Variants in CWH43 observed in about 807,000 individuals in gnomAD.
CWH43 encodes the protein cell wall biogenesis 43 C-terminal homolog.
Under a neutral mutation model 85.7 loss-of-function variants are expected in CWH43, and 91 were observed. The observed-to-expected ratio is 1.06, with a 90% CI of 0.90 to 1.26. The LOEUF (loss-of-function observed/expected upper bound fraction) is 1.26. CWH43 is among the 50% of genes most tolerant of loss of function. The pLI is 0.00. For synonymous variants in CWH43, 323 were observed against 293.6 expected, an observed-to-expected ratio of 1.10 and a Z score of -1.02; for missense variants, 869 against 839.2, an observed-to-expected ratio of 1.04 and a Z score of -0.44.
intron 13 of CWH43, among the ~76,000 whole-genome samples, chr4:49,042,787 A>G (rs1250316710): frequency 1.3e-5 from 2 of 152,216 alleles, no homozygotes; most frequent in Non-Finnish European, 2.9e-5. Context: ...AGATTTCAGA[A>G]GAGGAAAACC....
intron 14 of CWH43, among the ~76,000 whole-genome samples, chr4:49,046,916 C>T (rs1198059459): frequency 6.6e-6 from 1 of 152,156 alleles, no homozygotes; most frequent in Non-Finnish European, 1.5e-5. Context: ...CAGAATCTGT[C>T]TGGAGGTATT....
intron 8 of CWH43, among the ~76,000 whole-genome samples, chr4:49,014,650 T>C (rs942706830): frequency 6.6e-6 from 1 of 152,078 alleles, no homozygotes; most frequent in Non-Finnish European, 1.5e-5. Flanking sequence ...AATTCACTTA[T>C]CAAATCGAGG....
intron 4 of CWH43, among the ~76,000 whole-genome samples, chr4:48,993,445 G>A (rs1782717722): frequency 6.6e-6 from 1 of 152,120 alleles, no homozygotes; most frequent in Admixed American, 6.5e-5. Flanking sequence ...GTTAATGTCA[G>A]AGAAGCTTTC....
At chr4:49,049,797 C>T (rs894870440) in intron 14 of CWH43, among the ~76,000 whole-genome samples, 1 of 152,070 alleles carries the variant, frequency 6.6e-6, no homozygotes, top group Non-Finnish European at 1.5e-5. Flanking sequence ...AGAGGTATGC[C>T]CTGACCATCC....
intron 8 of CWH43, chr4:49,016,797 C>T (rs1422422663): frequency 1.3e-6 from 1 of 776,358 alleles, no homozygotes; most frequent in African/African-American, 1.7e-5. Context: ...TACTCCAAGT[C>T]CCTCTGCCAG....
intron 13 of CWH43, 32 bp from the exon 14 acceptor site, chr4:49,044,754 C>T (rs1577705327): frequency 6.3e-7 from 1 of 1,584,120 alleles, no homozygotes; most frequent in East Asian, 2.2e-5. Flanking sequence ...GCTTTTTATG[C>T]TTTAAACATT....
intron 5 of CWH43, among the ~76,000 whole-genome samples, chr4:48,995,304 T>C (rs1782778448): frequency 6.6e-6 from 1 of 152,198 alleles, no homozygotes; most frequent in Non-Finnish European, 1.5e-5. Flanking sequence ...CATCTTCTGG[T>C]ACTTTCTTGT....
Position 48,996,927 on chromosome 4 carries a change from T to C in CWH43, c.714-1533T>C, listed in dbSNP as rs543479120. On this transcript the variant is annotated intron_variant, in intron 5 of 15. Coordinates refer to ENST00000226432, the MANE Select transcript of CWH43 (RefSeq NM_025087.3). ...CAAACTGTGTTCTGTGAGATGCTGG[T>C]TTCTTGAGATGTTAATGGTTACTCT... Among the ~76,000 whole-genome samples the C allele has an allele frequency of 2.6e-5, 4 of 152,344 alleles. No individual in the cohort carries two copies. The East Asian group carries it at 7.7e-4, about 29-fold the overall frequency.
intron 7 of CWH43, among the ~76,000 whole-genome samples, chr4:49,005,759 TCGA>T (rs1481637935): frequency 6.6e-6 from 1 of 151,912 alleles, no homozygotes; most frequent in Non-Finnish European, 1.5e-5. Flanking sequence ...CAGGCTGGCG[TCGA>T]ACTCCTGGGC....
chr4:49,037,902 A>AC, intron 12 of CWH43, 134 bp from the exon 13 acceptor site: 2 of 674,906 alleles, frequency 3.0e-6, no homozygotes, highest in East Asian at 5.2e-5. Flanking sequence ...TATAATGTTA[A>AC]GACAGTTGCC....
chr4:49,008,952 A>T (rs1291742546), intron 8 of CWH43, among the ~76,000 whole-genome samples: 1 of 152,180 alleles, frequency 6.6e-6, no homozygotes, highest in Non-Finnish European at 1.5e-5. Context: ...TGTCCTGGCT[A>T]TGTGGGCTCT....
intron 13 of CWH43, 64 bp from the exon 14 acceptor site, chr4:49,044,722 T>C: frequency 8.1e-7 from 1 of 1,234,358 alleles, no homozygotes; most frequent in Non-Finnish European, 1.2e-6. Flanking sequence ...ACACATTTTT[T>C]GGCAATGTGG....
chr4:49,012,279 G>A (rs1783389990), intron 8 of CWH43, among the ~76,000 whole-genome samples: 1 of 152,142 alleles, frequency 6.6e-6, no homozygotes, highest in Non-Finnish European at 1.5e-5. Context: ...ATTGAAGCTT[G>A]TGCATGAATC....
intron 15 of CWH43, among the ~76,000 whole-genome samples, chr4:49,054,272 C>T (rs1347141055): frequency 6.6e-6 from 1 of 152,072 alleles, no homozygotes; most frequent in African/African-American, 2.4e-5. Context: ...TTGTCCTTTC[C>T]CCATTGTGTG....
At chr4:49,053,947 C>T (rs562361203) in intron 15 of CWH43, among the ~76,000 whole-genome samples, 1 of 152,126 alleles carries the variant, frequency 6.6e-6, no homozygotes, top group African/African-American at 2.4e-5. Flanking sequence ...TAAATATATT[C>T]TCTCATCCCA....
intron 6 of CWH43, among the ~76,000 whole-genome samples, chr4:49,003,054 A>T (rs900903519): frequency 1.3e-4 from 20 of 152,332 alleles, no homozygotes; most frequent in African/African-American, 3.8e-4. Flanking sequence ...AGCTGATTTC[A>T]CAAGGATTGG....
At chr4:49,057,575 A>T (rs568739729) in intron 15 of CWH43, among the ~76,000 whole-genome samples, 1 of 152,262 alleles carries the variant, frequency 6.6e-6, no homozygotes, top group African/African-American at 2.4e-5. Flanking sequence ...GCACTTGAAA[A>T]GAATGTATAC....
At chr4:48,996,103 C>T (rs1479964237) in intron 5 of CWH43, among the ~76,000 whole-genome samples, 5 of 152,076 alleles carry the variant, frequency 3.3e-5, no homozygotes, top group Non-Finnish European at 7.4e-5. Context: ...TCTGGAAGTG[C>T]CAGACTGTTC....
At chr4:49,017,137 C>A in intron 8 of CWH43, 112 bp from the exon 9 acceptor site, 1 of 899,250 alleles carries the variant, frequency 1.1e-6, no homozygotes, top group South Asian at 1.4e-5. Context: ...CCAAGAAGAA[C>A]TTCCTGGAGG....
Sources: gnomAD v4.1 joint callset for allele counts (sites outside exome capture counted in the v4.1 genomes callset) on GRCh38, gnomAD v4.1.1 for gene constraint, MANE v1.5 for transcripts, NCBI Gene and HGNC (gene_info 2026-07-23, HGNC 2026-07-21) for gene names.